Variants in UBE2H observed in about 807,000 individuals in gnomAD.
The protein encoded by UBE2H is ubiquitin-conjugating enzyme E2 H.
A neutral mutation model predicts 29.0 loss-of-function variants in UBE2H; 3 were observed. That is an observed-to-expected ratio of 0.10 (90% CI 0.05 to 0.27). The LOEUF (loss-of-function observed/expected upper bound fraction) is 0.27, where lower values mean the gene tolerates loss of function less well. UBE2H is among the 10% of genes least tolerant of loss of function. UBE2H has a pLI of 1.00. For missense variants in UBE2H, 68 were observed against 228.2 expected, an observed-to-expected ratio of 0.30 and a Z score of 4.52; for synonymous variants, 69 against 82.9, an observed-to-expected ratio of 0.83 and a Z score of 0.91.
rs1805289542 is a variant in UBE2H at position 129,834,652 on chromosome 7, CAGT to C, written c.*282_*284del. On this transcript the variant is annotated 3_prime_UTR_variant, in exon 7 of 7. Coordinates refer to ENST00000355621, the MANE Select transcript of UBE2H (RefSeq NM_003344.4). The stretch of plus-strand genomic sequence containing the variant: ...AGAGCGGCTATTTCCTTCGACAGTT[CAGT>C]AGCACACAGGCTGACTTGGCCACAT... 4.5e-5 allele frequency: 12 copies of C among 266,376 alleles called. No homozygotes were observed. In the South Asian group the frequency reaches 9.0e-4, roughly 20 times the overall value. 16.5% of individuals were successfully genotyped at this position (266,376 alleles called of 1,614,324 possible). A position where few individuals can be genotyped will look rare whatever the true frequency, so the allele number is the denominator to read the frequency against.
At chr7:129,923,335 G>A (rs2116475085) in intron 1 of UBE2H, among the ~76,000 whole-genome samples, 1 of 152,250 alleles carries the variant, frequency 6.6e-6, no homozygotes, top group Non-Finnish European at 1.5e-5. Context: ...CTAAAATAAA[G>A]ATCTACAGTC....
At chr7:129,925,795 T>C (rs1807256620) in intron 1 of UBE2H, among the ~76,000 whole-genome samples, 1 of 152,216 alleles carries the variant, frequency 6.6e-6, no homozygotes, top group Non-Finnish European at 1.5e-5. Context: ...GCAGAAGCGA[T>C]GCCTTTAAGA....
intron 2 of UBE2H, among the ~76,000 whole-genome samples, chr7:129,879,846 C>T (rs1214472047): frequency 2.6e-5 from 4 of 152,184 alleles, no homozygotes; most frequent in Non-Finnish European, 4.4e-5. Context: ...AAAAAATAAG[C>T]AGATTCATTC....
chr7:129,872,845 CAAA>C (rs34001143), intron 3 of UBE2H, among the ~76,000 whole-genome samples: 42 of 71,992 alleles, frequency 5.8e-4, no homozygotes, highest in East Asian at 3.2e-3. Context: ...CACTCCGTCT[CAAA>C]AAAAAAAAAA....
intron 5 of UBE2H, among the ~76,000 whole-genome samples, chr7:129,854,069 T>TTTTTTTTTATTTTTTATTTTA (rs1563022992): frequency 6.7e-6 from 1 of 149,516 alleles, no homozygotes; most frequent in Non-Finnish European, 1.5e-5. Flanking sequence ...AGTTTTTTTT[T>TTTTTTTTTATTTTTTATTTTA]TTTTTTTTTT....
chr7:129,852,091 T>TCA (rs1331960185), intron 5 of UBE2H, among the ~76,000 whole-genome samples: 1 of 152,178 alleles, frequency 6.6e-6, no homozygotes, highest in Non-Finnish European at 1.5e-5. Flanking sequence ...CTCAAGCTGT[T>TCA]CAAATAGTAG....
intron 1 of UBE2H, among the ~76,000 whole-genome samples, chr7:129,889,751 G>A (rs1316708192): frequency 2.0e-5 from 3 of 152,174 alleles, no homozygotes; most frequent in African/African-American, 7.2e-5. Flanking sequence ...TGGGAAGCAA[G>A]GGCAGAAAGA....
At chr7:129,934,843 G>A (rs1260162909) in intron 1 of UBE2H, among the ~76,000 whole-genome samples, 1 of 151,472 alleles carries the variant, frequency 6.6e-6, no homozygotes, top group Non-Finnish European at 1.5e-5. Context: ...AAGGTAGCCA[G>A]ATCACTTGAG....
At chr7:129,920,848 C>CAAAAAAA (rs11347186) in intron 1 of UBE2H, among the ~76,000 whole-genome samples, 8 of 73,980 alleles carry the variant, frequency 1.1e-4, no homozygotes, top group Non-Finnish European at 1.5e-4. Context: ...TAGAAAAAGT[C>CAAAAAAA]AAAAAAAAAA....
At chr7:129,952,448 G>T (rs1807898253) in intron 1 of UBE2H, 55 bp downstream of exon 1, 2 of 1,595,864 alleles carry the variant, frequency 1.3e-6, no homozygotes, top group East Asian at 4.5e-5. Context: ...GGGTGCCCTG[G>T]GCATCCCCAC....
At chr7:129,910,587 T>C (rs1452475640) in intron 1 of UBE2H, among the ~76,000 whole-genome samples, 1 of 152,012 alleles carries the variant, frequency 6.6e-6, no homozygotes, top group Non-Finnish European at 1.5e-5. Flanking sequence ...AGGCAAGAAG[T>C]AGCATAATCA....
intron 1 of UBE2H, among the ~76,000 whole-genome samples, chr7:129,898,926 T>C (rs781650025): frequency 1.3e-5 from 2 of 151,922 alleles, no homozygotes; most frequent in Admixed American, 6.6e-5. Flanking sequence ...GCACTTTCCA[T>C]AGAGATGTTT....
intron 1 of UBE2H, among the ~76,000 whole-genome samples, chr7:129,906,198 A>AT (rs113903854): frequency 8.8e-5 from 13 of 147,104 alleles, no homozygotes; most frequent in Non-Finnish European, 1.3e-4. Flanking sequence ...GAGTAAAGCC[A>AT]TTTTTTTTTC....
chr7:129,935,338 G>A (rs538721997), intron 1 of UBE2H, among the ~76,000 whole-genome samples: 6 of 150,464 alleles, frequency 4.0e-5, no homozygotes, highest in South Asian at 2.1e-4. Flanking sequence ...GCTTGAACCC[G>A]AGAGGCGAGG....
intron 3 of UBE2H, among the ~76,000 whole-genome samples, chr7:129,866,036 A>C (rs1477416326): frequency 6.6e-6 from 1 of 152,162 alleles, no homozygotes; most frequent in Non-Finnish European, 1.5e-5. Context: ...CTAACCTCAG[A>C]CAGCCAGGCC....
chr7:129,891,018 C>A (rs1002059304), intron 1 of UBE2H, among the ~76,000 whole-genome samples: 1 of 151,476 alleles, frequency 6.6e-6, no homozygotes, highest in African/African-American at 2.4e-5. Flanking sequence ...CGCTTGTAAT[C>A]CCAGCTACTT....
chr7:129,835,523 TA>T (rs1163922772), intron 6 of UBE2H, among the ~76,000 whole-genome samples: 4 of 152,228 alleles, frequency 2.6e-5, no homozygotes, highest in African/African-American at 9.6e-5. Flanking sequence ...GATTTTAGTC[TA>T]AACAGATCCT....
At chr7:129,866,880 A>C (rs1444823096) in intron 3 of UBE2H, among the ~76,000 whole-genome samples, 7 of 152,244 alleles carry the variant, frequency 4.6e-5, no homozygotes, top group Non-Finnish European at 7.3e-5. Context: ...ACACATCATT[A>C]ATCGTGAAGA....
At chr7:129,910,098 G>A (rs750799724) in intron 1 of UBE2H, among the ~76,000 whole-genome samples, 1 of 152,152 alleles carries the variant, frequency 6.6e-6, no homozygotes, top group Non-Finnish European at 1.5e-5. Context: ...GGAGGCTGAA[G>A]CAGGCATATC....
Sources: allele counts gnomAD v4.1 joint callset (sites outside exome capture counted in the v4.1 genomes callset), GRCh38; gene constraint gnomAD v4.1.1; transcripts MANE v1.5; gene names NCBI Gene and HGNC (gene_info 2026-07-23, HGNC 2026-07-21).